Variants in SNX19 observed in about 807,000 individuals in gnomAD.
SNX19 encodes the protein sorting nexin 19, also known as sorting nexin-19.
Under a neutral mutation model 85.2 loss-of-function variants are expected in SNX19, and 60 were observed. That is an observed-to-expected ratio of 0.70 (90% confidence interval 0.57 to 0.87). The LOEUF (loss-of-function observed/expected upper bound fraction) is 0.87, where lower values mean the gene tolerates loss of function less well. SNX19 is among the 40% of genes least tolerant of loss of function. The pLI is 0.00. For missense variants in SNX19, 1,201 were observed against 1,217.8 expected, an observed-to-expected ratio of 0.99 and a Z score of 0.21; for synonymous variants, 520 against 470.0, an observed-to-expected ratio of 1.11 and a Z score of -1.38.
At position 130,868,764 on chromosome 11, in the gene SNX19, T is replaced by G. The variant is rs1334808976; in HGVS notation, c.*9658A>C. Reference sequence around the variant, plus strand: ...GGCCTAAGGCTTCACCCTTGCTCACTTGGAACTAGGCATTCTTGCTGTCAT... The same window carrying G: ...GGCCTAAGGCTTCACCCTTGCTCACGTGGAACTAGGCATTCTTGCTGTCAT... On this transcript the variant is annotated 3_prime_UTR_variant, in exon 11 of 11. Coordinates refer to ENST00000265909, the MANE Select transcript of SNX19 (RefSeq NM_014758.3). 6.6e-6 allele frequency: 1 copy of G among 152,194 alleles called. No homozygotes were observed. Among genetic ancestry groups the G allele is most frequent in the African/African-American group, 2.4e-5 (1 of 41,432 alleles). The allele number at this position is 152,194 out of a possible 1,614,324, so 9.4% of individuals were successfully genotyped here.
chr11:130,878,722 C>G (rs958781754), intron 10 of SNX19, among the ~76,000 whole-genome samples, 168 bp from the exon 11 acceptor site: 1 of 151,968 alleles, frequency 6.6e-6, no homozygotes, highest in Non-Finnish European at 1.5e-5. Flanking sequence ...AGCCTCTGAC[C>G]CTAATAAAGG....
intron 8 of SNX19, among the ~76,000 whole-genome samples, chr11:130,882,652 C>T (rs776542219): frequency 6.6e-6 from 1 of 152,200 alleles, no homozygotes. Context: ...TTCAGTGAGC[C>T]TAAGATGCCT....
Position 130,866,450 on chromosome 11 carries a change from A to T in SNX19, c.*11972T>A, listed in dbSNP as rs1942767289. The T allele has an allele frequency of 6.6e-6, 1 of 152,200 alleles. No individual in the cohort carries two copies. 9.4% of individuals were successfully genotyped at this position (152,200 alleles called of 1,614,324 possible). A position where few individuals can be genotyped will look rare whatever the true frequency, so the allele number is the denominator to read the frequency against. On this transcript the variant is annotated 3_prime_UTR_variant, in exon 11 of 11. Coordinates refer to ENST00000265909, the MANE Select transcript of SNX19 (RefSeq NM_014758.3). ...TCCAGCAGACAAACAGCATGAGAAA[A>T]GGCCGGGAGACAGTAATAAATACGT... is the stretch of plus-strand genomic sequence containing the variant.
intron 8 of SNX19, among the ~76,000 whole-genome samples, chr11:130,899,281 T>C (rs905281411): frequency 2.6e-5 from 4 of 152,188 alleles, no homozygotes; most frequent in Admixed American, 6.5e-5. Flanking sequence ...ATGTGTTAGC[T>C]CCATGTCTAT....
rs1245210333 is a variant in SNX19, at chr11:130,877,848, A to G, written c.*574T>C. ...GTTGGGAAACAGCAACACATGAGCA[A>G]GAAGTTCCTTGAAAAATTTTCTTCC... On this transcript the variant is annotated 3_prime_UTR_variant, in exon 11 of 11. Transcript: ENST00000265909. 1 of 152,578 alleles carries G rather than the reference A, an allele frequency of 6.6e-6. No individual in the cohort carries two copies. The highest frequency in any genetic ancestry group is 2.4e-5 in the African/African-American group (1 of 41,464). The allele number at this position is 152,578 out of a possible 1,614,324, so 9.5% of individuals were successfully genotyped here. A position where few individuals can be genotyped will look rare whatever the true frequency, so the allele number is the denominator to read the frequency against.
In SNX19 at chr11:130,870,003, C is replaced by T. The variant is rs1183976765; in HGVS notation, c.*8419G>A. 6.6e-6 allele frequency: 1 copy of T among 152,056 alleles called. No individual in the cohort carries two copies. Among genetic ancestry groups the T allele is most frequent in the Non-Finnish European group, 1.5e-5 (1 of 68,004 alleles). The allele number at this position is 152,056 out of a possible 1,614,324, so 9.4% of individuals were successfully genotyped here. A position where few individuals can be genotyped will look rare whatever the true frequency, so the allele number is the denominator to read the frequency against. Reference sequence around the variant, plus strand: ...AAGAGTTTTTTGAAGAAAGTTTCTTCTCTGTTGCTATTTAGTTTTAACAAA... The same window carrying T: ...AAGAGTTTTTTGAAGAAAGTTTCTTTTCTGTTGCTATTTAGTTTTAACAAA... On this transcript the variant is annotated 3_prime_UTR_variant, in exon 11 of 11. Coordinates refer to ENST00000265909, the MANE Select transcript of SNX19 (RefSeq NM_014758.3).
At chr11:130,903,732 C>T (rs1327006433) in intron 7 of SNX19, among the ~76,000 whole-genome samples, 4 of 150,966 alleles carry the variant, frequency 2.6e-5, no homozygotes, top group Non-Finnish European at 5.9e-5. Context: ...CACACACACA[C>T]ACACACACAC....
At chr11:130,889,948 G>A (rs1051030147) in intron 8 of SNX19, among the ~76,000 whole-genome samples, 1 of 151,946 alleles carries the variant, frequency 6.6e-6, no homozygotes, top group South Asian at 2.1e-4. Context: ...TATAATCTGG[G>A]CCTTAAGTTT....
intron 8 of SNX19, among the ~76,000 whole-genome samples, chr11:130,890,148 A>G (rs1163319091): frequency 1.3e-5 from 2 of 152,166 alleles, no homozygotes; most frequent in Non-Finnish European, 2.9e-5. Context: ...CTCAATCTGC[A>G]AGGTGGAAAA....
chr11:130,866,875 G>C lies in SNX19; in HGVS notation c.*11547C>G, dbSNP rs973169919. ...AGGTCCTGGCTTTGCTAATAATAAT[G>C]ACATTTATTATGCACTGTGTGCTAG... On this transcript the variant is annotated 3_prime_UTR_variant, in exon 11 of 11. Transcript: ENST00000265909. The C allele has an allele frequency of 2.6e-5, 4 of 152,224 alleles. No homozygotes were observed. 9.4% of individuals were successfully genotyped at this position (152,224 alleles called of 1,614,324 possible).
chr11:130,913,229 G>T (rs1203696805), intron 1 of SNX19, among the ~76,000 whole-genome samples: 1 of 152,122 alleles, frequency 6.6e-6, no homozygotes, highest in Non-Finnish European at 1.5e-5. Flanking sequence ...ACTTAAATGT[G>T]AGAAAGGTGC....
At position 130,915,266 on chromosome 11, in the gene SNX19, G is replaced by A; in HGVS notation, c.674C>T (p.Pro225Leu). Residue 225 changes from proline to leucine, a missense_variant, in exon 1 of 11, where the codon CCC becomes CTC. This residue lies in a region of SNX19 where 791 missense variants were observed against 750.9 expected (regional missense o/e 1.05). Transcript: ENST00000265909. The stretch of plus-strand genomic sequence containing the variant: ...GGTACGAGTCTCCAAGTGGGGCTTG[G>A]GCACCAGCCCTTGAAGCAACAAATT... ...VVNLLLQGLVPKPHLETRTGR... is the reference protein window; with the variant it reads ...VVNLLLQGLVLKPHLETRTGR... 7 of 1,614,176 alleles carry A rather than the reference G, an allele frequency of 4.3e-6. No homozygotes were observed. The highest frequency in any genetic ancestry group is 5.9e-6 in the Non-Finnish European group (7 of 1,180,038).
intron 8 of SNX19, among the ~76,000 whole-genome samples, chr11:130,901,649 A>C (rs541921852): frequency 2.6e-5 from 4 of 152,334 alleles, no homozygotes; most frequent in Admixed American, 1.3e-4. Context: ...CAAGTAAGAA[A>C]GGAGGTGGAA....
rs949952831 is a variant in SNX19 at position 130,897,646 on chromosome 11, C to T, written c.2573+5609G>A. 2.6e-5 allele frequency among the ~76,000 whole-genome samples: 4 copies of T among 152,186 alleles called. No individual in the cohort carries two copies. The South Asian group carries it at 8.3e-4, about 31-fold the overall frequency. ...CATCAGGACTCCACACCAATCCTAC[C>T]CCTTACCTTGGCTGGATCTTCCTGC... On this transcript the variant is annotated intron_variant, in intron 8 of 10. Coordinates refer to ENST00000265909, the MANE Select transcript of SNX19 (RefSeq NM_014758.3).
intron 10 of SNX19, among the ~76,000 whole-genome samples, chr11:130,879,419 A>G (rs1943490328): frequency 6.6e-6 from 1 of 151,300 alleles, no homozygotes; most frequent in Non-Finnish European, 1.5e-5. Context: ...CTAGCACATG[A>G]CGACCTGCTC....
rs1300504890 is a variant in SNX19 at position 130,910,146 on chromosome 11, G to A, written c.1915-9C>T. ...GGAATGGCACAGAGTTGCTGCAAAA[G>A]TAAAACACACACACATTTTAAAGAG... On this transcript the variant is annotated splice_polypyrimidine_tract_variant and intron_variant, in intron 3 of 10. Transcript: ENST00000265909. The A allele has an allele frequency of 2.5e-6, 4 of 1,614,084 alleles. No individual in the cohort carries two copies. Among genetic ancestry groups the A allele is most frequent in the South Asian group, 1.1e-5 (1 of 91,086 alleles).
Position 130,896,698 on chromosome 11 carries a change from T to C in SNX19, c.2573+6557A>G, listed in dbSNP as rs543395106. ...ATCTGAATGTAATTTTCTTCACTTATGAAATGTAGAACTACATGTCTATCT... is the reference window on the plus strand; with the variant it reads ...ATCTGAATGTAATTTTCTTCACTTACGAAATGTAGAACTACATGTCTATCT... On this transcript the variant is annotated intron_variant, in intron 8 of 10. Transcript: ENST00000265909. Among the ~76,000 whole-genome samples, 17 of 152,348 alleles carry C rather than the reference T, an allele frequency of 1.1e-4. No homozygotes were observed. The East Asian group carries it at 2.7e-3, about 24-fold the overall frequency.
At chr11:130,913,056 T>A (rs940309103) in intron 1 of SNX19, among the ~76,000 whole-genome samples, 1 of 152,160 alleles carries the variant, frequency 6.6e-6, no homozygotes, top group Admixed American at 6.6e-5. Flanking sequence ...GATGTCAAAA[T>A]CTAGCCAACA....
Position 130,910,008 on chromosome 11 carries a change from C to T in SNX19, c.2034+10G>A. 6.2e-7 allele frequency: 1 copy of T among 1,612,528 alleles called. No homozygotes were observed. Among genetic ancestry groups the T allele is most frequent in the East Asian group, 2.2e-5 (1 of 44,894 alleles). On this transcript the variant is annotated intron_variant, in intron 4 of 10. Transcript: ENST00000265909. ...AAAACTAAAGCTGAGCACAGTGGCC[C>T]TGCTGGTACCTTGTCTATTCTAGAG...
Sources: gnomAD v4.1 joint callset for allele counts (sites outside exome capture counted in the v4.1 genomes callset) on GRCh38, gnomAD v4.1.1 for gene constraint, gnomAD v4.1.1 regional missense constraint, MANE v1.5 for transcripts, NCBI Gene and HGNC (gene_info 2026-07-23, HGNC 2026-07-21) for gene names.